Variants in MBNL1 observed in about 807,000 individuals in gnomAD.
MBNL1 encodes the protein muscleblind like splicing regulator 1.
MBNL1 carries 8 observed loss-of-function variants against 42.2 expected under a neutral mutation model. That is an observed-to-expected ratio of 0.19 (90% CI 0.11 to 0.34). The LOEUF is 0.34. Ranked by LOEUF, MBNL1 falls within the 10% of genes least tolerant of loss-of-function variation. The pLI is 1.00. For missense variants in MBNL1, 309 were observed against 495.3 expected, an observed-to-expected ratio of 0.62 and a Z score of 3.57; for synonymous variants, 169 against 173.9, an observed-to-expected ratio of 0.97 and a Z score of 0.22.
At chr3:152,251,743 G>A (rs2034578366) in intron 2 of MBNL1, among the ~76,000 whole-genome samples, 1 of 151,854 alleles carries the variant, frequency 6.6e-6, no homozygotes, top group Non-Finnish European at 1.5e-5. Context: ...GGCACATGAG[G>A]GTCTTATGTC....
chr3:152,420,962 C>T (rs773525194), intron 3 of MBNL1, among the ~76,000 whole-genome samples: 2 of 151,980 alleles, frequency 1.3e-5, no homozygotes, highest in Non-Finnish European at 2.9e-5. Context: ...ATGAGAAGTT[C>T]GTGAAGCATA....
chr3:152,253,809 G>T (rs1454725203), intron 2 of MBNL1, among the ~76,000 whole-genome samples: 1 of 152,022 alleles, frequency 6.6e-6, no homozygotes, highest in Non-Finnish European at 1.5e-5. Context: ...CCTAATAGAT[G>T]CTTCCCGTGG....
chr3:152,386,706 A>G (rs2097443522), intron 2 of MBNL1, among the ~76,000 whole-genome samples: 1 of 152,164 alleles, frequency 6.6e-6, no homozygotes, highest in Non-Finnish European at 1.5e-5. Context: ...CACTGAAAAT[A>G]GCAACTTGGG....
chr3:152,392,236 C>T (rs2097755949), intron 2 of MBNL1, among the ~76,000 whole-genome samples: 1 of 152,048 alleles, frequency 6.6e-6, no homozygotes, highest in East Asian at 1.9e-4. Context: ...TAAATATAAT[C>T]CCCTGCTTAG....
At chr3:152,347,999 A>G (rs2094495781) in intron 2 of MBNL1, among the ~76,000 whole-genome samples, 1 of 152,090 alleles carries the variant, frequency 6.6e-6, no homozygotes, top group Non-Finnish European at 1.5e-5. Context: ...ATTTTAATCT[A>G]TTTAGAATAA....
intron 2 of MBNL1, among the ~76,000 whole-genome samples, chr3:152,318,672 G>A (rs1383282697): frequency 6.6e-6 from 1 of 152,156 alleles, no homozygotes; most frequent in Non-Finnish European, 1.5e-5. Context: ...GAGACATAGT[G>A]CTTAGCATGA....
intron 1 of MBNL1, among the ~76,000 whole-genome samples, chr3:152,296,899 AT>A (rs1276449411): frequency 6.6e-6 from 1 of 152,124 alleles, no homozygotes; most frequent in Non-Finnish European, 1.5e-5. Flanking sequence ...TGAATAATAT[AT>A]TTTTTCTGTC....
intron 2 of MBNL1, chr3:152,300,844 A>C: frequency 1.1e-5 from 6 of 547,554 alleles, no homozygotes; most frequent in Non-Finnish European, 1.2e-5. Context: ...TTGACATTTT[A>C]GATTTTCTTT....
intron 2 of MBNL1, among the ~76,000 whole-genome samples, chr3:152,310,356 C>A (rs377048688): frequency 6.6e-6 from 1 of 152,160 alleles, no homozygotes; most frequent in African/African-American, 2.4e-5. Context: ...TTAACCCTTA[C>A]GAGGTTACAC....
chr3:152,417,032 G>T (rs140845778), intron 3 of MBNL1, among the ~76,000 whole-genome samples: 1,715 of 152,278 alleles, frequency 0.011, 24 homozygotes, highest in African/African-American at 0.039. Context: ...TGAGATCATT[G>T]TCTAAAAATA....
intron 1 of MBNL1, among the ~76,000 whole-genome samples, chr3:152,284,911 A>G (rs1008444044): frequency 6.6e-6 from 1 of 152,116 alleles, no homozygotes; most frequent in Admixed American, 6.6e-5. Flanking sequence ...TAATCTTTCA[A>G]AATCAGCTAC....
At position 152,338,745 on chromosome 3, in the gene MBNL1, T is replaced by A. The variant is rs974874771; in HGVS notation, c.174+38378T>A. 3.2e-6 allele frequency: 3 copies of A among 946,756 alleles called. No homozygotes were observed. The East Asian group carries it at 3.5e-4, about 109-fold the overall frequency. The allele number at this position is 946,756 out of a possible 1,614,324, so 58.6% of individuals were successfully genotyped here. On this transcript the variant is annotated intron_variant, in intron 2 of 9. Transcript: ENST00000324210. ...AAACCCTGTAGCTATGGATTTAATA[T>A]AAGTTAGTAGTTAAAGAATGTCCTT...
intron 3 of MBNL1, among the ~76,000 whole-genome samples, chr3:152,417,430 T>C (rs1441187230): frequency 1.3e-5 from 2 of 152,146 alleles, no homozygotes; most frequent in Non-Finnish European, 1.5e-5. Context: ...CAGGTAGTAG[T>C]CATATCAAAG....
chr3:152,246,199 T>C (rs1052427211), intron 2 of MBNL1, among the ~76,000 whole-genome samples: 4 of 152,224 alleles, frequency 2.6e-5, no homozygotes, highest in African/African-American at 9.6e-5. Flanking sequence ...TTAAGTGTTA[T>C]ATGTAGTATG....
chr3:152,400,384 G>T (rs949285924), intron 2 of MBNL1, among the ~76,000 whole-genome samples: 4 of 152,148 alleles, frequency 2.6e-5, no homozygotes, highest in African/African-American at 9.7e-5. Context: ...AATATTGTCA[G>T]GTTAACATAG....
intron 2 of MBNL1, among the ~76,000 whole-genome samples, chr3:152,326,234 T>C (rs1343047279): frequency 1.3e-5 from 2 of 152,216 alleles, no homozygotes; most frequent in African/African-American, 4.8e-5. Flanking sequence ...TGGTGTCATT[T>C]AGCTTGTTCT....
chr3:152,462,198 C>T (rs973338035), intron 9 of MBNL1, among the ~76,000 whole-genome samples, 187 bp from the exon 10 acceptor site: 1 of 152,076 alleles, frequency 6.6e-6, no homozygotes, highest in Non-Finnish European at 1.5e-5. Flanking sequence ...CGTGTTATTT[C>T]ATTCGTGTAG....
At chr3:152,390,168 TACTG>T (rs1393065590) in intron 2 of MBNL1, among the ~76,000 whole-genome samples, 7 of 151,868 alleles carry the variant, frequency 4.6e-5, no homozygotes, top group South Asian at 2.1e-4. Flanking sequence ...AAAAAAAACT[TACTG>T]ACTCTTTTGT....
chr3:152,411,383 G>A (rs1029263027), intron 2 of MBNL1, among the ~76,000 whole-genome samples: 4 of 152,112 alleles, frequency 2.6e-5, no homozygotes, highest in African/African-American at 9.7e-5. Flanking sequence ...AGCCGGGTGT[G>A]TTGGCGGGCA....
Sources: allele counts gnomAD v4.1 joint callset (sites outside exome capture counted in the v4.1 genomes callset), GRCh38; gene constraint gnomAD v4.1.1; transcripts MANE v1.5; gene names NCBI Gene and HGNC (gene_info 2026-07-23, HGNC 2026-07-21).